Variants in RAD51AP2 observed in about 807,000 individuals in gnomAD.
RAD51AP2 encodes the protein RAD51 associated protein 2.
In RAD51AP2, 67 loss-of-function variants were observed where a neutral mutation model predicts 85.5. That is an observed-to-expected ratio of 0.78 (90% confidence interval 0.64 to 0.96). The LOEUF (loss-of-function observed/expected upper bound fraction) is 0.96. Among genes scored for constraint, RAD51AP2 ranks in the 40% least tolerant of loss-of-function variants. The pLI is 0.00. For missense variants in RAD51AP2, 1,307 were observed against 1,332.4 expected, an observed-to-expected ratio of 0.98 and a Z score of 0.30; for synonymous variants, 474 against 446.5, an observed-to-expected ratio of 1.06 and a Z score of -0.78.
At chr2:17,533,403 A>G in the RAD51AP2 span, among the ~76,000 whole-genome samples, 4,482 of 152,322 alleles carry the variant, frequency 0.029, 65 homozygotes, top group Middle Eastern at 0.054. Flanking sequence ...TTATGATTGC[A>G]TTTGACTTTA....
At chr2:17,533,399 T>C in the RAD51AP2 span, among the ~76,000 whole-genome samples, 17 of 152,248 alleles carry the variant, frequency 1.1e-4, no homozygotes, top group Admixed American at 9.2e-4. Context: ...AATCTTATGA[T>C]TGCATTTGAC....
chr2:17,533,913 C>T, the RAD51AP2 span, among the ~76,000 whole-genome samples: 7 of 152,118 alleles, frequency 4.6e-5, no homozygotes, highest in Admixed American at 2.0e-4. Context: ...TTACTGATTT[C>T]GTTTTAATTT....
At chr2:17,537,313 C>A in the RAD51AP2 span, among the ~76,000 whole-genome samples, 1 of 151,876 alleles carries the variant, frequency 6.6e-6, no homozygotes, top group Non-Finnish European at 1.5e-5. Flanking sequence ...CAGAGCGAGA[C>A]CCCTGTCTCT....
chr2:17,515,881 T>C lies in RAD51AP2; in HGVS notation c.2535A>G (p.Thr845=), dbSNP rs2103308853. 1 of 1,606,084 alleles carries C rather than the reference T, an allele frequency of 6.2e-7. No individual in the cohort carries two copies. Among genetic ancestry groups the C allele is most frequent in the Non-Finnish European group, 8.5e-7 (1 of 1,177,870 alleles). ...TATCTTTGTGAACTTGGCAACTATTTGTTAAACTTTCAGCTGTGACTTTTA... is the reference window on the plus strand; with the variant it reads ...TATCTTTGTGAACTTGGCAACTATTCGTTAAACTTTCAGCTGTGACTTTTA... ...EEVKVTAESL[T]NSCQVHKDTK... Residue 845 remains threonine, a synonymous_variant, in exon 1 of 3, where the codon ACA becomes ACG. Transcript: ENST00000399080.
the RAD51AP2 span, among the ~76,000 whole-genome samples, chr2:17,527,161 G>T: frequency 6.6e-6 from 1 of 152,102 alleles, no homozygotes; most frequent in Admixed American, 6.5e-5. Context: ...TACCTGAGTG[G>T]TGTGTTCATT....
At chr2:17,528,660 T>C in the RAD51AP2 span, among the ~76,000 whole-genome samples, 1 of 152,046 alleles carries the variant, frequency 6.6e-6, no homozygotes, top group Middle Eastern at 3.4e-3. Context: ...CTGAGCAACA[T>C]AGGAACACCC....
Position 17,510,828 on chromosome 2 carries a change from G to T in RAD51AP2, c.3456C>A (p.Tyr1152Ter). 2.5e-6 allele frequency: 4 copies of T among 1,583,150 alleles called. No individual in the cohort carries two copies. The highest frequency in any genetic ancestry group is 3.4e-6 in the Non-Finnish European group (4 of 1,164,646). ...GTCAAAAATTTTCTTTTAAGTTTCC[G>T]TAACACATTTGTTTCAGATAAGGAT... The part of the protein sequence containing the change: ...QLHPYLKQMC[Y>*]GNLKENF The change falls in exon 3 of 3, where the codon TAC (tyrosine) becomes TAA (stop). Residue 1152 changes from tyrosine (Y) to a stop codon, truncating the protein, a stop_gained. Transcript: ENST00000399080. LOFTEE classifies it high-confidence loss of function.
the RAD51AP2 span, among the ~76,000 whole-genome samples, chr2:17,526,589 G>T: frequency 6.6e-6 from 1 of 152,056 alleles, no homozygotes; most frequent in African/African-American, 2.4e-5. Context: ...ACTAATACGA[G>T]GTCAAACTTT....
At chr2:17,526,758 C>T in the RAD51AP2 span, among the ~76,000 whole-genome samples, 1 of 152,162 alleles carries the variant, frequency 6.6e-6, no homozygotes, top group East Asian at 1.9e-4. Flanking sequence ...TAACCCTAAA[C>T]CCTCTACAAG....
At chr2:17,524,625 T>C in the RAD51AP2 span, among the ~76,000 whole-genome samples, 53 of 151,972 alleles carry the variant, frequency 3.5e-4, no homozygotes, top group Non-Finnish European at 7.2e-4. Flanking sequence ...TGCATACTTA[T>C]AAAATTATAT....
the RAD51AP2 span, among the ~76,000 whole-genome samples, chr2:17,531,661 C>T: frequency 6.6e-6 from 1 of 152,260 alleles, no homozygotes; most frequent in Admixed American, 6.5e-5. Flanking sequence ...GAATTACTTC[C>T]AGCAGTGGTA....
the RAD51AP2 span, among the ~76,000 whole-genome samples, chr2:17,530,792 T>C: frequency 3.0e-3 from 451 of 152,266 alleles, 2 homozygotes; most frequent in Middle Eastern, 6.8e-3. Flanking sequence ...TTTAGAAGTC[T>C]TAATAAAGGC....
At chr2:17,527,841 GT>G in the RAD51AP2 span, among the ~76,000 whole-genome samples, 11 of 152,092 alleles carry the variant, frequency 7.2e-5, no homozygotes, top group Non-Finnish European at 1.3e-4. Flanking sequence ...CATAAATGGA[GT>G]TCAACAGCAG....
At chr2:17,520,522 G>A (rs1036396785), upstream of RAD51AP2, among the ~76,000 whole-genome samples, 4 of 152,036 alleles carry the variant, frequency 2.6e-5, no homozygotes, top group Non-Finnish European at 5.9e-5. Context: ...AGTAAACTGA[G>A]CTTTAAAGAC....
At chr2:17,513,272 C>T (rs1359087639) in intron 2 of RAD51AP2, among the ~76,000 whole-genome samples, 3 of 129,434 alleles carry the variant, frequency 2.3e-5, no homozygotes, top group Non-Finnish European at 4.7e-5. Flanking sequence ...GAATCTCACT[C>T]TGTCGCCCAG....
intron 1 of RAD51AP2, among the ~76,000 whole-genome samples, 188 bp from the exon 2 acceptor site, chr2:17,514,280 A>C (rs1029655455): frequency 4.6e-5 from 7 of 152,224 alleles, no homozygotes; most frequent in African/African-American, 9.6e-5. Context: ...ATATTATTGA[A>C]CATTTGAATA....
In RAD51AP2 at chr2:17,518,121, T is replaced by A; in HGVS notation, c.295A>T (p.Ile99Leu). 1.2e-6 allele frequency: 2 copies of A among 1,614,194 alleles called. No individual in the cohort carries two copies. The highest frequency in any genetic ancestry group is 1.1e-5 in the South Asian group (1 of 91,092). Residue 99 changes from isoleucine to leucine, a missense_variant, in exon 1 of 3, where the codon ATA becomes TTA. Ile to Leu is a conservative substitution (Grantham distance 5, BLOSUM62 2). Coordinates refer to ENST00000399080, the MANE Select transcript of RAD51AP2 (RefSeq NM_001099218.3). Reference protein sequence around the residue: ...CVEKSVSGKQICNLKCSNLKF... With the variant: ...CVEKSVSGKQLCNLKCSNLKF... ...AGATTTGAGCATTTCAGATTACATA[T>A]CTGCTTCCCACTGACTGATTTCTCC...
chr2:17,526,586 C>T, the RAD51AP2 span, among the ~76,000 whole-genome samples: 2 of 152,052 alleles, frequency 1.3e-5, no homozygotes, highest in African/African-American at 4.8e-5. Context: ...AGTACTAATA[C>T]GAGGTCAAAC....
Position 17,516,773 on chromosome 2 carries a change from T to C in RAD51AP2, c.1643A>G (p.Gln548Arg). 6.4e-7 allele frequency: 1 copy of C among 1,562,130 alleles called. No individual in the cohort carries two copies. Among genetic ancestry groups the C allele is most frequent in the Non-Finnish European group, 8.7e-7 (1 of 1,149,782 alleles). Residue 548 changes from glutamine (Q) to arginine (R), a missense_variant, in exon 1 of 3, where the codon CAA becomes CGA. By Grantham distance (43) the Gln-to-Arg change is conservative. Coordinates refer to ENST00000399080, the MANE Select transcript of RAD51AP2 (RefSeq NM_001099218.3). ...CKKQIGIIGI[Q>R]NLITRNMNTN... is the part of the protein sequence containing the mutation. ...ATTCATGTTTCTGGTTATTAGATTTTGAATACCAATTATACCAATTTGCTT... is the reference window on the plus strand; with the variant it reads ...ATTCATGTTTCTGGTTATTAGATTTCGAATACCAATTATACCAATTTGCTT...
Sources: allele counts gnomAD v4.1 joint callset (sites outside exome capture counted in the v4.1 genomes callset), GRCh38; gene constraint gnomAD v4.1.1; transcripts MANE v1.5; gene names NCBI Gene and HGNC (gene_info 2026-07-23, HGNC 2026-07-21).